NAALADL2: variants seen among roughly 807,000 people sequenced by gnomAD.
NAALADL2 encodes the protein inactive N-acetylated-alpha-linked acidic dipeptidase-like protein 2.
NAALADL2 carries 76 observed loss-of-function variants against 87.2 expected under a neutral mutation model. The ratio of observed to expected loss-of-function variants is 0.87; its 90% confidence interval spans 0.72 to 1.05. The LOEUF is 1.05. Ranked by LOEUF, NAALADL2 falls within the 50% of genes least tolerant of loss-of-function variation. The pLI, the probability that NAALADL2 is intolerant of heterozygous loss-of-function variation, is 0.00. For synonymous variants in NAALADL2, 354 were observed against 331.0 expected (o/e 1.07, Z -0.75); for missense variants, 1,089 against 945.8 (o/e 1.15, Z -1.99).
intron 12 of NAALADL2, among the ~76,000 whole-genome samples, chr3:175,744,825 C>T (rs937998159): frequency 6.6e-6 from 1 of 152,056 alleles, no homozygotes; most frequent in African/African-American, 2.4e-5. Context: ...AGTTCATTAG[C>T]TAAACAGAAT....
intron 1 of NAALADL2, among the ~76,000 whole-genome samples, chr3:175,042,036 T>C (rs968120193): frequency 4.6e-5 from 7 of 152,162 alleles, no homozygotes; most frequent in Non-Finnish European, 7.4e-5. Context: ...TTATTCATCT[T>C]ACAACTGCAA....
chr3:174,847,097 A>G (rs1724707733), intron 3 of NAALADL2, among the ~76,000 whole-genome samples: 1 of 152,214 alleles, frequency 6.6e-6, no homozygotes, highest in African/African-American at 2.4e-5. Context: ...GGTTAATGGT[A>G]TCACTGAGAT....
Position 175,588,534 on chromosome 3 carries a change from C to CTTTTTTTTTTTTTTT in NAALADL2, c.1800+12355_1800+12369dup, listed in dbSNP as rs1168817019. ...TTAGGAGACTTTCTTTCTTTCTTTTCTTTTTTTTTTTTTTTTTTTTTTGAG... is the reference window on the plus strand; with the variant it reads ...TTAGGAGACTTTCTTTCTTTCTTTTCTTTTTTTTTTTTTTTTTTTTTTTTTTTTTTTTTTTTTGAG... On this transcript the variant is annotated intron_variant, in intron 10 of 13. Transcript: ENST00000454872. Among the ~76,000 whole-genome samples, 189 of 78,140 alleles carry CTTTTTTTTTTTTTTT rather than the reference C, an allele frequency of 2.4e-3. 10 individuals are homozygous for CTTTTTTTTTTTTTTT. The highest frequency in any genetic ancestry group is 5.2e-3 in the African/African-American group (101 of 19,302). The allele number at this position is 78,140 out of a possible 152,430, so 51.3% of individuals were successfully genotyped here.
At chr3:175,367,529 T>C (rs375531181) in intron 5 of NAALADL2, among the ~76,000 whole-genome samples, 11 of 152,206 alleles carry the variant, frequency 7.2e-5, no homozygotes, top group Non-Finnish European at 5.9e-5. Context: ...TCCTCTTTTA[T>C]TTCCTTGAGC....
intron 2 of NAALADL2, among the ~76,000 whole-genome samples, chr3:174,695,366 G>C (rs1261340784): frequency 6.6e-6 from 1 of 151,930 alleles, no homozygotes; most frequent in South Asian, 2.1e-4. Context: ...GTAAGTACAG[G>C]AGTTCAGATT....
At chr3:174,995,255 A>G (rs1298210198) in intron 1 of NAALADL2, among the ~76,000 whole-genome samples, 1 of 152,178 alleles carries the variant, frequency 6.6e-6, no homozygotes, top group East Asian at 1.9e-4. Context: ...AGCTACACCA[A>G]TTGGTCAAAA....
intron 2 of NAALADL2, among the ~76,000 whole-genome samples, chr3:175,225,030 G>A (rs1743954176): frequency 6.6e-6 from 1 of 152,120 alleles, no homozygotes; most frequent in Non-Finnish European, 1.5e-5. Flanking sequence ...GTGCTGAAAT[G>A]AGTCTGCCCA....
At chr3:175,508,211 G>A (rs1199249310) in intron 9 of NAALADL2, among the ~76,000 whole-genome samples, 1 of 152,190 alleles carries the variant, frequency 6.6e-6, no homozygotes, top group East Asian at 1.9e-4. Context: ...CTGCCGCCAT[G>A]ATCCAAATGC....
intron 12 of NAALADL2, among the ~76,000 whole-genome samples, chr3:175,744,837 C>A (rs751029637): frequency 2.3e-4 from 35 of 151,982 alleles, no homozygotes; most frequent in Non-Finnish European, 4.1e-4. Context: ...AAACAGAATT[C>A]TTGTACTGTG....
At chr3:175,165,111 T>C (rs1318866282) in intron 2 of NAALADL2, among the ~76,000 whole-genome samples, 1 of 152,146 alleles carries the variant, frequency 6.6e-6, no homozygotes, top group Non-Finnish European at 1.5e-5. Context: ...GATCTATTAT[T>C]ACTCAATTCA....
Position 175,576,061 on chromosome 3 carries a change from C to T in NAALADL2, c.1674C>T (p.Thr558=), listed in dbSNP as rs1239608493. 6.2e-7 allele frequency: 1 copy of T among 1,610,610 alleles called. No homozygotes were observed. Among genetic ancestry groups the T allele is most frequent in the African/African-American group, 1.3e-5 (1 of 74,692 alleles). ...TTCAGAAAAATAATTTCAACTGTACCAGAAGAGCCCAGTGCCCAGAAACCA... is the reference window on the plus strand; with the variant it reads ...TTCAGAAAAATAATTTCAACTGTACTAGAAGAGCCCAGTGCCCAGAAACCA... ...LVVEKNNFNC[T]RRAQCPETNI... The change falls in exon 10 of 14, where the codon ACC becomes ACT. Residue 558 remains threonine (T), a synonymous_variant. Transcript: ENST00000454872.
At chr3:174,913,682 C>T (rs991552165) in intron 1 of NAALADL2, among the ~76,000 whole-genome samples, 1 of 152,034 alleles carries the variant, frequency 6.6e-6, no homozygotes, top group African/African-American at 2.4e-5. Context: ...GCAAATTAAA[C>T]CAAATGAAGT....
At chr3:174,774,624 C>A (rs957394524) in intron 3 of NAALADL2, among the ~76,000 whole-genome samples, 2 of 152,160 alleles carry the variant, frequency 1.3e-5, no homozygotes, top group African/African-American at 2.4e-5. Context: ...CCTGCTTTAG[C>A]AGACCCATGG....
At chr3:175,350,831 T>G (rs907944955) in intron 5 of NAALADL2, among the ~76,000 whole-genome samples, 1 of 152,144 alleles carries the variant, frequency 6.6e-6, no homozygotes, top group African/African-American at 2.4e-5. Context: ...TGGGGACAAT[T>G]AAAATTAAAT....
intron 2 of NAALADL2, among the ~76,000 whole-genome samples, chr3:174,696,891 T>C (rs1729072192): frequency 6.6e-6 from 1 of 152,130 alleles, no homozygotes; most frequent in South Asian, 2.1e-4. Context: ...TAGCCGTTCT[T>C]AGCAAGTCTT....
intron 3 of NAALADL2, among the ~76,000 whole-genome samples, chr3:174,848,010 T>C (rs576635470): frequency 6.6e-6 from 1 of 151,684 alleles, no homozygotes; most frequent in Non-Finnish European, 1.5e-5. Flanking sequence ...TCTCTCTCTT[T>C]TTTTTTTTTT....
chr3:175,527,716 T>C (rs962789770), intron 9 of NAALADL2, among the ~76,000 whole-genome samples: 1 of 152,196 alleles, frequency 6.6e-6, no homozygotes, highest in African/African-American at 2.4e-5. Flanking sequence ...ATTTTAGAGA[T>C]TAATTTAAAT....
At chr3:174,604,458 T>G (rs1718778413) in intron 2 of NAALADL2, among the ~76,000 whole-genome samples, 1 of 152,172 alleles carries the variant, frequency 6.6e-6, no homozygotes, top group Non-Finnish European at 1.5e-5. Context: ...TGTGTCCTCA[T>G]AGGTGAAGTG....
At chr3:174,506,183 CTTTTT>C (rs58179047) in intron 1 of NAALADL2, among the ~76,000 whole-genome samples, 1 of 141,132 alleles carries the variant, frequency 7.1e-6, no homozygotes. Flanking sequence ...TGGTTTATAT[CTTTTT>C]TTTTTTTTTT....
Sources: gnomAD v4.1 joint callset for allele counts (sites outside exome capture counted in the v4.1 genomes callset) on GRCh38, gnomAD v4.1.1 for gene constraint, MANE v1.5 for transcripts, NCBI Gene and HGNC (gene_info 2026-07-23, HGNC 2026-07-21) for gene names.